The following CSMD1 variants were observed in gnomAD, a reference collection of about 807,000 sequenced individuals.
CSMD1 encodes the protein CUB and Sushi multiple domains 1.
Under a neutral mutation model 417.5 loss-of-function variants are expected in CSMD1, and 213 were observed. That is an observed-to-expected ratio of 0.51 (90% CI 0.46 to 0.57). The LOEUF (loss-of-function observed/expected upper bound fraction) is 0.57. CSMD1 is among the 20% of genes least tolerant of loss of function. The probability of loss-of-function intolerance (pLI) is 0.00; values close to 1 mark genes in which losing one functional copy is unlikely to be tolerated. For missense variants in CSMD1, 6,923 were observed against 4,529.7 expected (o/e 1.53, Z -15.17); for synonymous variants, 2,862 against 1,736.8 (o/e 1.65, Z -16.11).
rs7015804 is a variant in CSMD1 at position 3,931,010 on chromosome 8, C to A, written c.818+66893G>T. On this transcript the variant is annotated intron_variant, in intron 5 of 69. Transcript: ENST00000635120. ...ATCTTATTTAAAGGTGTTAACTAGC[C>A]ATAGTGCTAATTTCCACAGGGAAAA... is the stretch of plus-strand genomic sequence containing the variant. Among the ~76,000 whole-genome samples the A allele has an allele frequency of 4.0e-5, 6 of 149,872 alleles. 1 individual carries two copies. Among genetic ancestry groups the A allele is most frequent in the Non-Finnish European group, 5.9e-5 (4 of 67,334 alleles).
At chr8:3,395,773 G>C (rs374384127) in intron 17 of CSMD1, among the ~76,000 whole-genome samples, 13 of 152,096 alleles carry the variant, frequency 8.5e-5, no homozygotes, top group African/African-American at 2.9e-4. Flanking sequence ...ACTCAGATTC[G>C]GTACCACAAA....
At chr8:3,877,637 T>C (rs953210913) in intron 5 of CSMD1, among the ~76,000 whole-genome samples, 1 of 152,028 alleles carries the variant, frequency 6.6e-6, no homozygotes, top group Non-Finnish European at 1.5e-5. Flanking sequence ...ATCTACTCCT[T>C]ACAGTAGAAT....
chr8:4,407,773 G>C (rs534847228), intron 3 of CSMD1, among the ~76,000 whole-genome samples: 6 of 152,238 alleles, frequency 3.9e-5, no homozygotes, highest in Admixed American at 3.9e-4. Flanking sequence ...AGTAAATACA[G>C]AAATTTTGAT....
intron 5 of CSMD1, among the ~76,000 whole-genome samples, chr8:3,803,031 C>T (rs1318175783): frequency 1.3e-5 from 2 of 151,988 alleles, no homozygotes; most frequent in Non-Finnish European, 2.9e-5. Flanking sequence ...CAATGAAATC[C>T]AGAAAAAAAT....
intron 3 of CSMD1, among the ~76,000 whole-genome samples, chr8:4,153,920 G>A (rs930887268): frequency 1.3e-5 from 2 of 152,216 alleles, no homozygotes; most frequent in African/African-American, 2.4e-5. Flanking sequence ...CCCAGCCAAC[G>A]AGGCACTGTG....
chr8:3,837,126 A>G (rs1184633164), intron 5 of CSMD1, among the ~76,000 whole-genome samples: 1 of 148,354 alleles, frequency 6.7e-6, no homozygotes, highest in Non-Finnish European at 1.5e-5. Flanking sequence ...ATTAAATGCA[A>G]AAATTGAAAG....
chr8:3,438,220 G>C (rs1814701357), intron 12 of CSMD1, among the ~76,000 whole-genome samples: 2 of 152,100 alleles, frequency 1.3e-5, no homozygotes, highest in African/African-American at 4.8e-5. Context: ...GTTGTAAGAG[G>C]TAATACAAAG....
intron 12 of CSMD1, among the ~76,000 whole-genome samples, chr8:3,430,190 C>T (rs750680143): frequency 6.6e-6 from 1 of 152,020 alleles, no homozygotes; most frequent in Non-Finnish European, 1.5e-5. Flanking sequence ...ATCTCATCTT[C>T]CCTCTTTGAT....
chr8:4,802,284 G>C (rs571001312), intron 1 of CSMD1, among the ~76,000 whole-genome samples: 80 of 152,152 alleles, frequency 5.3e-4, no homozygotes, highest in African/African-American at 1.8e-3. Context: ...AAGGCTTCGT[G>C]GTTTCAGGCT....
At chr8:4,937,533 T>G (rs1585366308) in intron 1 of CSMD1, among the ~76,000 whole-genome samples, 1 of 152,196 alleles carries the variant, frequency 6.6e-6, no homozygotes, top group South Asian at 2.1e-4. Context: ...CAATGGCTAG[T>G]AACTTACAGT....
intron 5 of CSMD1, among the ~76,000 whole-genome samples, chr8:3,986,776 G>C (rs544312880): frequency 2.7e-5 from 4 of 149,730 alleles, no homozygotes; most frequent in East Asian, 2.0e-4. Flanking sequence ...TTTTTTTTTA[G>C]ATGGAGTCTC....
intron 25 of CSMD1, among the ~76,000 whole-genome samples, chr8:3,301,199 AAAC>A (rs1171686143): frequency 1.4e-5 from 2 of 148,054 alleles, no homozygotes; most frequent in Non-Finnish European, 2.9e-5. Context: ...TTTTAAAATA[AAAC>A]AAACCATATT....
At position 4,710,593 on chromosome 8, in the gene CSMD1, C is replaced by T. The variant is rs6983637; in HGVS notation, c.86-73035G>A. On this transcript the variant is annotated intron_variant, in intron 1 of 69. Coordinates refer to ENST00000635120, the MANE Select transcript of CSMD1 (RefSeq NM_033225.6). ...GGGTGCGGTGGCTCACGCTTGTGAT[C>T]CCAGCACTTTGGGAGACTCAGATGG... Among the ~76,000 whole-genome samples, 3 of 150,924 alleles carry T rather than the reference C, an allele frequency of 2.0e-5. No individual in the cohort carries two copies. In the East Asian group the frequency reaches 5.9e-4, roughly 29 times the overall value.
intron 5 of CSMD1, among the ~76,000 whole-genome samples, chr8:3,854,742 G>T (rs1426294856): frequency 7.8e-6 from 1 of 128,924 alleles, no homozygotes; most frequent in Non-Finnish European, 1.6e-5. Context: ...AACTCCAGAG[G>T]GGGTAAAAAA....
At chr8:4,801,938 G>A (rs184940801) in intron 1 of CSMD1, among the ~76,000 whole-genome samples, 1 of 152,250 alleles carries the variant, frequency 6.6e-6, no homozygotes, top group East Asian at 1.9e-4. Flanking sequence ...AAGGTAACTG[G>A]TACATTTTGA....
At position 2,952,612 on chromosome 8, in the gene CSMD1, C is replaced by T. The variant is rs538216333; in HGVS notation, c.10040-1337G>A. On this transcript the variant is annotated intron_variant, in intron 65 of 69. Transcript: ENST00000635120. ...TAGCCACTGTCAGCACAACAGAGGC[C>T]CCCATTTTAATCAGCAACCTCAAAA... Among the ~76,000 whole-genome samples, 4 of 152,158 alleles carry T rather than the reference C, an allele frequency of 2.6e-5. No individual in the cohort carries two copies. The South Asian group carries it at 8.3e-4, about 32-fold the overall frequency.
At chr8:4,802,400 C>A (rs28469770) in intron 1 of CSMD1, among the ~76,000 whole-genome samples, 1 of 151,626 alleles carries the variant, frequency 6.6e-6, no homozygotes, top group Admixed American at 6.6e-5. Context: ...GAAGCATCCC[C>A]GTGGTTAACT....
At chr8:4,253,533 G>C (rs112261775) in intron 3 of CSMD1, among the ~76,000 whole-genome samples, 1 of 152,126 alleles carries the variant, frequency 6.6e-6, no homozygotes, top group African/African-American at 2.4e-5. Flanking sequence ...AGAAGAAAAG[G>C]ATGATGTTAT....
Position 3,324,192 on chromosome 8 carries a change from T to C in CSMD1, c.3632-15689A>G, listed in dbSNP as rs1223153546. On this transcript the variant is annotated intron_variant, in intron 23 of 69. Transcript: ENST00000635120. The stretch of plus-strand genomic sequence containing the variant: ...GGAGTTTCCTTCACCCCACCTTTCA[T>C]TGTTGTTAAAATAGACACACACCCA... Among the ~76,000 whole-genome samples, 12 of 113,310 alleles carry C rather than the reference T, an allele frequency of 1.1e-4. 1 individual carries two copies. The highest frequency in any genetic ancestry group is 2.1e-4 in the Non-Finnish European group (12 of 56,300). The allele number at this position is 113,310 out of a possible 152,430, so 74.3% of individuals were successfully genotyped here.
Sources: gnomAD v4.1 joint callset for allele counts (sites outside exome capture counted in the v4.1 genomes callset) on GRCh38, gnomAD v4.1.1 for gene constraint, MANE v1.5 for transcripts, NCBI Gene and HGNC (gene_info 2026-07-23, HGNC 2026-07-21) for gene names.